Variants in SRP54 observed in about 807,000 individuals in gnomAD.
SRP54 encodes signal recognition particle subunit SRP54.
Under a neutral mutation model 64.8 loss-of-function variants are expected in SRP54, and 10 were observed. That is an observed-to-expected ratio of 0.15 (90% CI 0.10 to 0.26). The LOEUF (loss-of-function observed/expected upper bound fraction) is 0.26. Among genes scored for constraint, SRP54 ranks in the 10% least tolerant of loss-of-function variants. The pLI is 1.00. For missense variants in SRP54, 325 were observed against 613.7 expected (o/e 0.53, Z 4.97); for synonymous variants, 193 against 185.6 (o/e 1.04, Z -0.32).
At chr14:35,008,742 G>T (rs2044306836) in intron 6 of SRP54, 32 bp from the exon 7 acceptor site, 3 of 1,604,480 alleles carry the variant, frequency 1.9e-6, no homozygotes, top group African/African-American at 2.7e-5. Context: ...TTATTTTCAA[G>T]TTTGAGGATT....
At position 34,990,834 on chromosome 14, in the gene SRP54, A is replaced by G. The variant is rs190173399; in HGVS notation, c.-33-5843A>G. Among the ~76,000 whole-genome samples the G allele has an allele frequency of 3.0e-3, 451 of 152,356 alleles. 2 individuals are homozygous for G. Among genetic ancestry groups the G allele is most frequent in the African/African-American group, 0.01 (436 of 41,582 alleles). On this transcript the variant is annotated intron_variant, in intron 1 of 15. Transcript: ENST00000216774. The stretch of plus-strand genomic sequence containing the variant: ...AATAAATATATTTAATGTACAGTAC[A>G]AATTACCCAAGTTATTGTTTTTCTT...
chr14:35,022,295 ATGTT>A (rs2044544496), intron 13 of SRP54, among the ~76,000 whole-genome samples: 1 of 151,738 alleles, frequency 6.6e-6, no homozygotes, highest in African/African-American at 2.4e-5. Flanking sequence ...GGGAAAGTAC[ATGTT>A]TGTTTCATTG....
intron 1 of SRP54, among the ~76,000 whole-genome samples, chr14:34,989,178 A>G (rs1419006880): frequency 6.6e-6 from 1 of 152,138 alleles, no homozygotes; most frequent in East Asian, 1.9e-4. Context: ...GCTAATATTG[A>G]TTCAAAAAGT....
chr14:35,023,769 G>A (rs2139025531), intron 14 of SRP54, among the ~76,000 whole-genome samples: 1 of 146,558 alleles, frequency 6.8e-6, no homozygotes, highest in Non-Finnish European at 1.5e-5. Context: ...GGGCAGCAGA[G>A]TGAGACTCCG....
chr14:34,988,580 T>A (rs201085827), intron 1 of SRP54, among the ~76,000 whole-genome samples: 633 of 22,062 alleles, frequency 0.029, 46 homozygotes, highest in Non-Finnish European at 0.047. Flanking sequence ...AAAAAAAAAA[T>A]ATATATATAT....
intron 14 of SRP54, among the ~76,000 whole-genome samples, chr14:35,024,103 C>G (rs1026571761): frequency 1.3e-5 from 2 of 152,140 alleles, no homozygotes; most frequent in African/African-American, 4.8e-5. Flanking sequence ...TCTCGGCTCA[C>G]TGCAGCCTCT....
chr14:35,023,189 C>T, intron 14 of SRP54, 109 bp downstream of exon 14: 2 of 829,138 alleles, frequency 2.4e-6, no homozygotes, highest in Non-Finnish European at 3.7e-6. Flanking sequence ...ATGTTATTTT[C>T]AAGTACTTCC....
At chr14:35,020,559 G>C (rs1203366918) in intron 13 of SRP54, among the ~76,000 whole-genome samples, 1 of 152,138 alleles carries the variant, frequency 6.6e-6, no homozygotes, top group Non-Finnish European at 1.5e-5. Flanking sequence ...TTTCATATCT[G>C]TGCTTTATCT....
At chr14:34,990,741 T>G (rs1370624178) in intron 1 of SRP54, among the ~76,000 whole-genome samples, 1 of 152,214 alleles carries the variant, frequency 6.6e-6, no homozygotes, top group African/African-American at 2.4e-5. Flanking sequence ...AAGGTGAGGT[T>G]AATTTTTAAG....
intron 1 of SRP54, among the ~76,000 whole-genome samples, chr14:34,991,233 G>A (rs1200645758): frequency 6.6e-6 from 1 of 150,426 alleles, no homozygotes; most frequent in Admixed American, 6.7e-5. Context: ...GGGTTCAAGC[G>A]ATTCTCATGC....
intron 13 of SRP54, among the ~76,000 whole-genome samples, chr14:35,019,865 G>C (rs1405230339): frequency 6.6e-6 from 1 of 152,180 alleles, no homozygotes; most frequent in Non-Finnish European, 1.5e-5. Flanking sequence ...AAAAAACAAT[G>C]TATATACCTT....
intron 1 of SRP54, among the ~76,000 whole-genome samples, chr14:34,994,891 G>A (rs940995264): frequency 4.0e-5 from 6 of 148,964 alleles, no homozygotes; most frequent in Admixed American, 2.0e-4. Flanking sequence ...TCACCCTCCC[G>A]AGTAGCTGGG....
At chr14:35,028,960 T>G in intron 15 of SRP54, 101 bp from the exon 16 acceptor site, 1 of 904,360 alleles carries the variant, frequency 1.1e-6, no homozygotes, top group Non-Finnish European at 1.7e-6. Context: ...CAATCAGAAT[T>G]CAGTATTTTT....
intron 1 of SRP54, among the ~76,000 whole-genome samples, chr14:34,990,406 T>C (rs1189216662): frequency 6.6e-6 from 1 of 152,170 alleles, no homozygotes; most frequent in Non-Finnish European, 1.5e-5. Context: ...TGGGAAGTCA[T>C]TTTGCTTTTT....
At chr14:35,004,143 G>T (rs559968380) in intron 4 of SRP54, among the ~76,000 whole-genome samples, 1 of 152,048 alleles carries the variant, frequency 6.6e-6, no homozygotes, top group Non-Finnish European at 1.5e-5. Context: ...CCAGCTACTT[G>T]GGAGGCTGAG....
chr14:34,992,934 A>G (rs568968180), intron 1 of SRP54, among the ~76,000 whole-genome samples: 3 of 152,056 alleles, frequency 2.0e-5, no homozygotes, highest in African/African-American at 4.8e-5. Flanking sequence ...ATCTCGGCTC[A>G]TTGCAACCTC....
intron 1 of SRP54, among the ~76,000 whole-genome samples, chr14:34,988,578 A>AAAAAAAAAAATATATATATATATATAT (rs1384552218): frequency 2.1e-5 from 1 of 47,102 alleles, no homozygotes; most frequent in African/African-American, 6.7e-5. Context: ...AAAAAAAAAA[A>AAAAAAAAAAATATATATATATATATAT]ATATATATAT....
chr14:34,995,134 G>GGTGTGTGTGTGT (rs35829734), intron 1 of SRP54, among the ~76,000 whole-genome samples: 111 of 70,310 alleles, frequency 1.6e-3, no homozygotes, highest in East Asian at 3.5e-3. Context: ...ATCAATAAAG[G>GGTGTGTGTGTGT]GTGTGTGTGT....
rs147792161 is a variant in SRP54, at chr14:34,994,154, C to T, written c.-33-2523C>T. Among the ~76,000 whole-genome samples, 448 of 152,098 alleles carry T rather than the reference C, an allele frequency of 2.9e-3. 3 individuals carry two copies. Among genetic ancestry groups the T allele is most frequent in the African/African-American group, 0.01 (420 of 41,508 alleles). On this transcript the variant is annotated intron_variant, in intron 1 of 15. Coordinates refer to ENST00000216774, the MANE Select transcript of SRP54 (RefSeq NM_003136.4). ...AATTAAAGGTGCCTGCCACCATGCC[C>T]AGCTAATTTTTTTTTTGTATTTTTA...
Sources: gnomAD v4.1 joint callset for allele counts (sites outside exome capture counted in the v4.1 genomes callset) on GRCh38, gnomAD v4.1.1 for gene constraint, MANE v1.5 for transcripts, NCBI Gene and HGNC (gene_info 2026-07-23, HGNC 2026-07-21) for gene names.